DPP10: variants seen among roughly 807,000 people sequenced by gnomAD.
The protein encoded by DPP10 is dipeptidyl peptidase like 10.
A neutral mutation model predicts 120.9 loss-of-function variants in DPP10; 33 were observed. The observed-to-expected ratio is 0.27, with a 90% CI of 0.21 to 0.37. DPP10 has a LOEUF of 0.37. Ranked by LOEUF, DPP10 falls within the 10% of genes least tolerant of loss-of-function variation. The pLI is 1.00. For missense variants in DPP10, 816 were observed against 942.8 expected (o/e 0.87, Z 1.76); for synonymous variants, 337 against 326.1 (o/e 1.03, Z -0.36).
intron 1 of DPP10, among the ~76,000 whole-genome samples, chr2:114,470,077 C>A (rs1226804254): frequency 2.6e-5 from 4 of 152,198 alleles, no homozygotes; most frequent in Admixed American, 6.5e-5. Flanking sequence ...GCTTCCACCA[C>A]GGACCCTCTT....
rs181797427 is a variant in DPP10, at chr2:115,519,513, T to A, written c.367-6385T>A. On this transcript the variant is annotated intron_variant, in intron 4 of 25. Coordinates refer to ENST00000410059, the MANE Select transcript of DPP10 (RefSeq NM_020868.6). The stretch of plus-strand genomic sequence containing the variant: ...TAATTTAAGCATGATCATAATTAAT[T>A]AGTCAGCTAAGAAAAGAGAACATGA... 3.9e-5 allele frequency among the ~76,000 whole-genome samples: 6 copies of A among 152,270 alleles called. No individual in the cohort carries two copies. The East Asian group carries it at 1.2e-3, about 30-fold the overall frequency.
At chr2:115,519,955 A>G (rs1356921049) in intron 4 of DPP10, among the ~76,000 whole-genome samples, 1 of 152,184 alleles carries the variant, frequency 6.6e-6, no homozygotes, top group East Asian at 1.9e-4. Context: ...TTTTCTAAAT[A>G]TTTTTGTCAG....
intron 3 of DPP10, among the ~76,000 whole-genome samples, chr2:115,492,195 A>G (rs971456269): frequency 2.6e-5 from 4 of 152,184 alleles, no homozygotes; most frequent in African/African-American, 4.8e-5. Flanking sequence ...AAAGCTGTGA[A>G]TGACTGAATG....
intron 7 of DPP10, among the ~76,000 whole-genome samples, chr2:115,722,099 G>A (rs1436583910): frequency 1.3e-5 from 2 of 152,044 alleles, no homozygotes; most frequent in African/African-American, 2.4e-5. Flanking sequence ...GGCTGAGGGA[G>A]AAGGGAAAAT....
chr2:114,939,738 A>G (rs1288719568), intron 1 of DPP10, among the ~76,000 whole-genome samples: 1 of 152,120 alleles, frequency 6.6e-6, no homozygotes, highest in Non-Finnish European at 1.5e-5. Flanking sequence ...TTGTGTTCAC[A>G]TGTCTTTGGA....
intron 1 of DPP10, among the ~76,000 whole-genome samples, chr2:115,280,220 T>A (rs2060102160): frequency 6.6e-6 from 1 of 152,192 alleles, no homozygotes; most frequent in African/African-American, 2.4e-5. Flanking sequence ...ATTTTATTAC[T>A]GTTTTGCAAA....
rs577578175 is a variant in DPP10, at chr2:115,260,515, G to A, written c.61-48724G>A. Among the ~76,000 whole-genome samples the A allele has an allele frequency of 7.9e-5, 12 of 152,244 alleles. No homozygotes were observed. The East Asian group carries it at 2.3e-3, about 29-fold the overall frequency. On this transcript the variant is annotated intron_variant, in intron 1 of 25. Coordinates refer to ENST00000410059, the MANE Select transcript of DPP10 (RefSeq NM_020868.6). ...ATGAGTCCATAAACACAATGCACTTGCCAGCCCTCAAACAAAGTAGATTTA... is the reference window on the plus strand; with the variant it reads ...ATGAGTCCATAAACACAATGCACTTACCAGCCCTCAAACAAAGTAGATTTA...
chr2:115,130,484 GCATC>G lies in DPP10; in HGVS notation c.61-178742_61-178739del, dbSNP rs202237369. Among the ~76,000 whole-genome samples, 11 of 137,128 alleles carry G rather than the reference GCATC, an allele frequency of 8.0e-5. No individual in the cohort carries two copies. In the South Asian group the frequency reaches 1.3e-3, roughly 17 times the overall value. The allele number at this position is 137,128 out of a possible 152,430, so 90.0% of individuals were successfully genotyped here. Reference sequence around the variant, plus strand: ...TCCTTCCATCCATGCATCCATCCATGCATCCATCCATCCATCTATCCATCCATCC... The same window carrying G: ...TCCTTCCATCCATGCATCCATCCATGCATCCATCCATCTATCCATCCATCC... On this transcript the variant is annotated intron_variant, in intron 1 of 25. Coordinates refer to ENST00000410059, the MANE Select transcript of DPP10 (RefSeq NM_020868.6).
chr2:115,198,643 A>G (rs1559226165), intron 1 of DPP10, among the ~76,000 whole-genome samples: 1 of 152,110 alleles, frequency 6.6e-6, no homozygotes, highest in East Asian at 1.9e-4. Context: ...TTTACTTAAA[A>G]TTGCATCACT....
intron 5 of DPP10, among the ~76,000 whole-genome samples, chr2:115,547,783 GA>G (rs1304833352): frequency 6.9e-6 from 1 of 145,426 alleles, no homozygotes; most frequent in Non-Finnish European, 1.5e-5. Flanking sequence ...AAAAAAAAAA[GA>G]CATAAATAAT....
At chr2:115,399,506 T>A (rs2067910520) in intron 3 of DPP10, among the ~76,000 whole-genome samples, 1 of 152,166 alleles carries the variant, frequency 6.6e-6, no homozygotes, top group Non-Finnish European at 1.5e-5. Flanking sequence ...AATCTCAAAA[T>A]TGTAATAAGT....
intron 1 of DPP10, among the ~76,000 whole-genome samples, chr2:115,231,209 T>C (rs2057718379): frequency 6.6e-6 from 1 of 152,006 alleles, no homozygotes; most frequent in Non-Finnish European, 1.5e-5. Context: ...ATGAATTAAA[T>C]ATAATTATTA....
At chr2:115,495,512 A>T (rs865944732) in intron 3 of DPP10, among the ~76,000 whole-genome samples, 10 of 152,110 alleles carry the variant, frequency 6.6e-5, no homozygotes, top group African/African-American at 2.4e-4. Flanking sequence ...CAGAAGTCTC[A>T]GTTCTTAATT....
intron 1 of DPP10, among the ~76,000 whole-genome samples, chr2:115,039,182 G>A (rs1704450930): frequency 6.6e-6 from 1 of 152,174 alleles, no homozygotes; most frequent in African/African-American, 2.4e-5. Flanking sequence ...TTGCTGGAGG[G>A]TGAGTTTTGA....
intron 1 of DPP10, among the ~76,000 whole-genome samples, chr2:115,257,190 C>T (rs2059040666): frequency 1.3e-5 from 2 of 152,166 alleles, no homozygotes; most frequent in Admixed American, 6.6e-5. Flanking sequence ...CAAACTCTTC[C>T]AACCCTTTCC....
intron 1 of DPP10, among the ~76,000 whole-genome samples, chr2:115,164,859 G>A (rs1456970349): frequency 6.6e-6 from 1 of 152,212 alleles, no homozygotes; most frequent in African/African-American, 2.4e-5. Context: ...AACAAGAATA[G>A]GAGGGACCGT....
At chr2:115,415,863 A>ATATG (rs2069366267) in intron 3 of DPP10, among the ~76,000 whole-genome samples, 1 of 136,588 alleles carries the variant, frequency 7.3e-6, no homozygotes. Flanking sequence ...ATATATATAT[A>ATATG]TATATATATA....
intron 3 of DPP10, among the ~76,000 whole-genome samples, chr2:115,439,482 A>G (rs995402519): frequency 5.3e-5 from 8 of 152,232 alleles, no homozygotes; most frequent in Non-Finnish European, 7.3e-5. Context: ...TATGTTACAT[A>G]TATTTTATCA....
At chr2:115,506,684 T>C (rs1489361857) in intron 4 of DPP10, among the ~76,000 whole-genome samples, 1 of 152,120 alleles carries the variant, frequency 6.6e-6, no homozygotes, top group Non-Finnish European at 1.5e-5. Context: ...ATTCATATGT[T>C]CACATAATAC....
Sources: allele counts gnomAD v4.1 joint callset (sites outside exome capture counted in the v4.1 genomes callset), GRCh38; gene constraint gnomAD v4.1.1; transcripts MANE v1.5; gene names NCBI Gene and HGNC (gene_info 2026-07-23, HGNC 2026-07-21).